Variants in PLBD2 observed in about 807,000 individuals in gnomAD.
PLBD2 encodes phospholipase B domain containing 2, also known as putative aminopeptidase PLBD2.
In PLBD2, 51 loss-of-function variants were observed where a neutral mutation model predicts 68.3. The observed-to-expected ratio is 0.75, with a 90% CI of 0.60 to 0.94. PLBD2 has a LOEUF of 0.94. Among genes scored for constraint, PLBD2 ranks in the 40% least tolerant of loss-of-function variants. PLBD2 has a pLI of 0.00. For missense variants in PLBD2, 729 were observed against 792.2 expected (o/e 0.92, Z 0.96); for synonymous variants, 314 against 339.3 (o/e 0.93, Z 0.82).
At chr12:113,383,638 T>C (rs920028120) in intron 6 of PLBD2, among the ~76,000 whole-genome samples, 15 of 151,738 alleles carry the variant, frequency 9.9e-5, no homozygotes, top group African/African-American at 3.6e-4. Context: ...TTTTACCATG[T>C]TGGCCAGGCT....
Position 113,384,789 on chromosome 12 carries a change from G to C in PLBD2, c.1119-62G>C, listed in dbSNP as rs1957532796. 7.1e-7 allele frequency: 1 copy of C among 1,411,404 alleles called. No individual in the cohort carries two copies. The highest frequency in any genetic ancestry group is 1.7e-5 in the Admixed American group (1 of 57,908). 87.4% of individuals were successfully genotyped at this position (1,411,404 alleles called of 1,614,324 possible). On this transcript the variant is annotated intron_variant, in intron 7 of 11. Transcript: ENST00000280800. The surrounding 1 kb of genome is among the most constrained non-coding windows in gnomAD (Gnocchi z 4.2). ...TCCTAGCTGAGTGGGACACTGCAGG[G>C]TGGGGAAAGCTGGGGAGGTGGCTCC... is the stretch of plus-strand genomic sequence containing the variant.
At chr12:113,359,029 A>G in intron 1 of PLBD2, 139 bp downstream of exon 1, 2 of 980,490 alleles carry the variant, frequency 2.0e-6, no homozygotes, top group Non-Finnish European at 2.8e-6. Context: ...CCGAGGCTGC[A>G]GCACCGCCCT....
intron 6 of PLBD2, 90 bp downstream of exon 6, chr12:113,380,932 G>A: frequency 1.6e-6 from 2 of 1,268,624 alleles, no homozygotes; most frequent in Non-Finnish European, 2.2e-6. Context: ...CGGCAAGTGG[G>A]GACCAGGCTG....
chr12:113,375,060 T>TG, intron 5 of PLBD2, 53 bp downstream of exon 5: 2 of 1,546,844 alleles, frequency 1.3e-6, no homozygotes, highest in Non-Finnish European at 1.8e-6. Context: ...GGCACACACG[T>TG]GGGGAGTGGT....
intron 5 of PLBD2, among the ~76,000 whole-genome samples, chr12:113,380,041 G>T (rs536762667): frequency 4.6e-5 from 7 of 152,212 alleles, no homozygotes; most frequent in African/African-American, 1.7e-4. Context: ...ATCATCTCTA[G>T]ATTACTTGTA....
intron 11 of PLBD2, 121 bp from the exon 12 acceptor site, chr12:113,388,338 A>G: frequency 1.3e-6 from 1 of 799,312 alleles, no homozygotes; most frequent in African/African-American, 1.8e-5. Flanking sequence ...CAGAGACTCA[A>G]AAAAAAAAAA....
rs1413742341 is a variant in PLBD2, at chr12:113,384,180, G to T, written c.1033G>T (p.Glu345Ter). ...KYVRPRGCVL[E>*]WVRNIVANRL... is the part of the protein sequence containing the mutation. ...TGTGCGGCCCAGGGGCTGTGTGCTG[G>T]AGTGGGTACGCAACATCGTGGCCAA... Residue 345 changes from glutamate (E) to a stop codon, truncating the protein, a stop_gained, in exon 7 of 12, where the codon GAG becomes TAG. Coordinates refer to ENST00000280800, the MANE Select transcript of PLBD2 (RefSeq NM_173542.4). LOFTEE classifies it high-confidence loss of function. The surrounding 1 kb of genome is among the most constrained non-coding windows in gnomAD (Gnocchi z 4.2). 1 of 1,613,996 alleles carries T rather than the reference G, an allele frequency of 6.2e-7. No homozygotes were observed. The highest frequency in any genetic ancestry group is 8.5e-7 in the Non-Finnish European group (1 of 1,180,000).
intron 10 of PLBD2, 136 bp downstream of exon 10, chr12:113,387,225 A>G: frequency 2.7e-6 from 3 of 1,091,784 alleles, no homozygotes; most frequent in Non-Finnish European, 3.8e-6. Context: ...CAGATGTTGG[A>G]CACCAGTGCA....
intron 5 of PLBD2, among the ~76,000 whole-genome samples, chr12:113,377,849 C>T (rs559053228): frequency 5.9e-5 from 9 of 152,304 alleles, no homozygotes; most frequent in African/African-American, 1.9e-4. Flanking sequence ...ATTTTAATAG[C>T]TTTTAAAAAC....
chr12:113,364,635 A>AT (rs141619784), intron 1 of PLBD2, among the ~76,000 whole-genome samples: 3 of 151,614 alleles, frequency 2.0e-5, no homozygotes, highest in Admixed American at 6.6e-5. Context: ...TTTATTTTGT[A>AT]TTTTTTGTAG....
chr12:113,378,519 C>T (rs754500458), intron 5 of PLBD2, among the ~76,000 whole-genome samples: 5 of 151,990 alleles, frequency 3.3e-5, no homozygotes, highest in Non-Finnish European at 7.4e-5. Context: ...GTCCACTGTG[C>T]GTTTTGTTTT....
chr12:113,359,049 G>A (rs1957262689), intron 1 of PLBD2, among the ~76,000 whole-genome samples, 159 bp downstream of exon 1: 1 of 152,246 alleles, frequency 6.6e-6, no homozygotes, highest in African/African-American at 2.4e-5. Context: ...TGCGGGCCAA[G>A]TACCCTGTTT....
intron 1 of PLBD2, among the ~76,000 whole-genome samples, chr12:113,360,650 T>G (rs995114314): frequency 3.3e-5 from 5 of 152,208 alleles, no homozygotes; most frequent in Admixed American, 1.3e-4. Flanking sequence ...ACTGTTTATT[T>G]ATTTTTATTT....
chr12:113,366,645 T>G (rs1012897852), intron 1 of PLBD2, among the ~76,000 whole-genome samples: 12 of 151,818 alleles, frequency 7.9e-5, no homozygotes, highest in African/African-American at 2.9e-4. Context: ...CCTGTAACTT[T>G]TAAATTATTT....
intron 10 of PLBD2, 151 bp downstream of exon 10, chr12:113,387,240 C>T: frequency 1.1e-6 from 1 of 936,952 alleles, no homozygotes. Context: ...AGTGCAGCAG[C>T]TCGGTGGCCG....
In PLBD2 at chr12:113,384,721, G is replaced by A. The variant is rs570305800; in HGVS notation, c.1119-130G>A. 7 of 681,814 alleles carry A rather than the reference G, an allele frequency of 1.0e-5. No individual in the cohort carries two copies. In the East Asian group the frequency reaches 1.1e-4, roughly 11 times the overall value. 42.2% of individuals were successfully genotyped at this position (681,814 alleles called of 1,614,324 possible). A position where few individuals can be genotyped will look rare whatever the true frequency, so the allele number is the denominator to read the frequency against. ...CCTGGTCATGCTGCAGCGTCAGGGTGTCAGTTGAATGGCTGGACAACCCCA... is the reference window on the plus strand; with the variant it reads ...CCTGGTCATGCTGCAGCGTCAGGGTATCAGTTGAATGGCTGGACAACCCCA... On this transcript the variant is annotated intron_variant, in intron 7 of 11. Coordinates refer to ENST00000280800, the MANE Select transcript of PLBD2 (RefSeq NM_173542.4). This position sits in a 1 kb window ranked among gnomAD's most constrained non-coding sequence, Gnocchi z 4.2.
At chr12:113,385,353 C>T in intron 9 of PLBD2, 70 bp downstream of exon 9, 1 of 1,397,024 alleles carries the variant, frequency 7.2e-7, no homozygotes, top group Non-Finnish European at 1.0e-6. Flanking sequence ...CCAGCTCCTT[C>T]CTAGGCAATG....
rs900619703 is a variant in PLBD2, at chr12:113,358,593, G to A, written c.-8G>A. The A allele has an allele frequency of 2.7e-6, 4 of 1,468,152 alleles. No homozygotes were observed. In the South Asian group the frequency reaches 4.0e-5, roughly 15 times the overall value. The allele number at this position is 1,468,152 out of a possible 1,614,324, so 90.9% of individuals were successfully genotyped here. ...GACCCGGGCTGCGGGGCGCAGCATT[G>A]TGCGGTCATGGTGGGCCAGATGTAC... On this transcript the variant is annotated 5_prime_UTR_variant, in exon 1 of 12. In the 5' UTR this introduces an upstream ATG that the reference lacks. Coordinates refer to ENST00000280800, the MANE Select transcript of PLBD2 (RefSeq NM_173542.4).
In PLBD2 at chr12:113,358,657, G is replaced by T; in HGVS notation, c.57G>T (p.Arg19=). 6.8e-7 allele frequency: 1 copy of T among 1,460,978 alleles called. No individual in the cohort carries two copies. The highest frequency in any genetic ancestry group is 1.3e-5 in the South Asian group (1 of 74,796). 90.5% of individuals were successfully genotyped at this position (1,460,978 alleles called of 1,614,324 possible). ...PGSHLARALT[R]ALALALVLAL... The stretch of plus-strand genomic sequence containing the variant: ...GCCACCTGGCCCGGGCGCTGACGCG[G>T]GCGCTGGCGCTGGCCCTGGTGCTGG... Residue 19 remains arginine (R), a synonymous_variant, in exon 1 of 12, where the codon CGG becomes CGT. Coordinates refer to ENST00000280800, the MANE Select transcript of PLBD2 (RefSeq NM_173542.4).
Sources: gnomAD v4.1 joint callset for allele counts (sites outside exome capture counted in the v4.1 genomes callset) on GRCh38, gnomAD v4.1.1 for gene constraint, Gnocchi (gnomAD v3.1) non-coding constraint, MANE v1.5 for transcripts, NCBI Gene and HGNC (gene_info 2026-07-23, HGNC 2026-07-21) for gene names.